The following ABCC12 variants were observed in gnomAD, a reference collection of about 807,000 sequenced individuals.
ABCC12 encodes the protein ATP binding cassette subfamily C member 12, also known as ATP-binding cassette sub-family C member 12.
A neutral mutation model predicts 151.1 loss-of-function variants in ABCC12; 142 were observed. The observed-to-expected ratio is 0.94, with a 90% CI of 0.82 to 1.08. The LOEUF (loss-of-function observed/expected upper bound fraction) is 1.08. Among genes scored for constraint, ABCC12 ranks in the 50% least tolerant of loss-of-function variants. ABCC12 has a pLI of 0.00. For missense variants in ABCC12, 1,638 were observed against 1,691.1 expected (o/e 0.97, Z 0.55); for synonymous variants, 645 against 646.4 (o/e 1.00, Z 0.03).
intron 18 of ABCC12, among the ~76,000 whole-genome samples, chr16:48,110,226 G>T (rs766740590): frequency 6.6e-6 from 1 of 152,042 alleles, no homozygotes; most frequent in African/African-American, 2.4e-5. Context: ...CGATTCGAAG[G>T]CTCACTTCTT....
intron 18 of ABCC12, among the ~76,000 whole-genome samples, chr16:48,109,278 G>A (rs1277865250): frequency 6.6e-6 from 1 of 152,158 alleles, no homozygotes; most frequent in African/African-American, 2.4e-5. Flanking sequence ...TAGGTCAGCT[G>A]CTGCATGGAC....
intron 20 of ABCC12, 86 bp downstream of exon 20, chr16:48,107,236 G>T: frequency 7.8e-7 from 1 of 1,289,896 alleles, no homozygotes; most frequent in Non-Finnish European, 1.1e-6. Context: ...TCATGGCATG[G>T]TGGCAGGGGC....
chr16:48,141,535 G>A (rs1485827958), intron 4 of ABCC12, among the ~76,000 whole-genome samples, 182 bp from the exon 5 acceptor site: 3 of 152,152 alleles, frequency 2.0e-5, no homozygotes, highest in Non-Finnish European at 4.4e-5. Context: ...AAGGGCAGGG[G>A]GCAATGCCTA....
At chr16:48,087,539 G>A (rs919398701) in intron 27 of ABCC12, 8 of 168,334 alleles carry the variant, frequency 4.8e-5, no homozygotes, top group Non-Finnish European at 7.7e-5. Flanking sequence ...CTGTATACAC[G>A]GGGTAACTAT....
intron 2 of ABCC12, among the ~76,000 whole-genome samples, chr16:48,147,706 C>G (rs1965046690): frequency 6.6e-6 from 1 of 152,164 alleles, no homozygotes; most frequent in Non-Finnish European, 1.5e-5. Flanking sequence ...GATGTTCCCT[C>G]CCTCCTCCAA....
rs61746654 is a variant in ABCC12 at position 48,115,458 on chromosome 16, G to A, written c.1946C>T (p.Thr649Met). ...KHVFEECIKK[T>M]LRGKTVVLVT... is the part of the protein sequence containing the mutation. The stretch of plus-strand genomic sequence containing the variant: ...CAGGACGACTGTCTTTCCCCTGAGC[G>A]TCTTCTTAATGCACTCCTCAAAGAC... The change falls in exon 15 of 31, where the codon ACG becomes ATG. Residue 649 changes from threonine to methionine, a missense_variant. Transcript: ENST00000311303. The A allele has an allele frequency of 1.6e-3, 2,521 of 1,614,140 alleles. 21 individuals carry two copies. The African/African-American group carries it at 0.028, about 18-fold the overall frequency.
intron 22 of ABCC12, among the ~76,000 whole-genome samples, chr16:48,103,821 G>A (rs1287007835): frequency 6.6e-6 from 1 of 152,224 alleles, no homozygotes; most frequent in East Asian, 1.9e-4. Context: ...CCATGGTTAG[G>A]GTGGCGGTTA....
intron 28 of ABCC12, 115 bp from the exon 29 acceptor site, chr16:48,085,821 G>T: frequency 1.2e-6 from 1 of 827,004 alleles, no homozygotes; most frequent in Non-Finnish European, 2.0e-6. Context: ...TTTTACTGTG[G>T]CAAAGAAAGT....
intron 20 of ABCC12, 96 bp downstream of exon 20, chr16:48,107,226 T>C: frequency 8.5e-7 from 1 of 1,181,250 alleles, no homozygotes; most frequent in Non-Finnish European, 1.3e-6. Context: ...GCATGTGGGC[T>C]CATGGCATGG....
intron 8 of ABCC12, 68 bp downstream of exon 8, chr16:48,138,160 G>C: frequency 1.3e-6 from 2 of 1,483,298 alleles, no homozygotes; most frequent in Non-Finnish European, 1.8e-6. Context: ...CCTGGGAACC[G>C]TAAGAACCCC....
intron 8 of ABCC12, 73 bp from the exon 9 acceptor site, chr16:48,133,908 C>T: frequency 6.4e-7 from 1 of 1,555,848 alleles, no homozygotes; most frequent in Non-Finnish European, 8.8e-7. Flanking sequence ...ATGTATTAGC[C>T]CTACTTGGTC....
Position 48,139,326 on chromosome 16 carries a change from A to G in ABCC12, c.668T>C (p.Ile223Thr). The G allele has an allele frequency of 1.2e-6, 2 of 1,604,580 alleles. No individual in the cohort carries two copies. The highest frequency in any genetic ancestry group is 2.2e-5 in the South Asian group (2 of 89,228). Residue 223 changes from isoleucine to threonine, a missense_variant, in exon 7 of 31, where the codon ATA (isoleucine) becomes ACA (threonine). By Grantham distance (89) the Ile-to-Thr change is moderately conservative. Transcript: ENST00000311303. The part of the protein sequence containing the change: ...THISVGEVLN[I>T]LSSDSYSLFE... Reference sequence around the variant, plus strand: ...CAAAGAATAGCTATCACTTGACAGTATATTGAGCACCTGGAAAGAAAAGCG... The same window carrying G: ...CAAAGAATAGCTATCACTTGACAGTGTATTGAGCACCTGGAAAGAAAAGCG...
In ABCC12 at chr16:48,088,642, C is replaced by T; in HGVS notation, c.3378G>A (p.Gln1126=). Residue 1126 remains glutamine, a synonymous_variant, in exon 26 of 31, where the codon CAG becomes CAA. Coordinates refer to ENST00000311303, the MANE Select transcript of ABCC12 (RefSeq NM_001393797.1). ...GGGGGGTGTTGTCTCTGTATCTCAT[C>T]TGATAGTCTCTGAAGGTGATCTCCC... is the stretch of plus-strand genomic sequence containing the variant. The part of the protein sequence containing the change: ...SRGEITFRDY[Q]MRYRDNTPLV... 2 of 1,614,240 alleles carry T rather than the reference C, an allele frequency of 1.2e-6. No homozygotes were observed. Among genetic ancestry groups the T allele is most frequent in the Non-Finnish European group, 1.7e-6 (2 of 1,180,046 alleles).
chr16:48,130,890 A>C lies in ABCC12; in HGVS notation c.1134T>G (p.Phe378Leu). The C allele has an allele frequency of 6.2e-7, 1 of 1,607,748 alleles. No individual in the cohort carries two copies. Among genetic ancestry groups the C allele is most frequent in the Non-Finnish European group, 8.5e-7 (1 of 1,174,808 alleles). Reference protein sequence around the residue: ...LRRKLTAPVAFSVIAMFNVMK... With the variant: ...LRRKLTAPVALSVIAMFNVMK... ...TTACATTAAACATGGCAATCACACT[A>C]AATGCCTGAAGAACAAAAGAGAAGT... Residue 378 changes from phenylalanine (F) to leucine (L), a missense_variant, in exon 10 of 31, where the codon TTT (phenylalanine) becomes TTG (leucine). Transcript: ENST00000311303.
intron 23 of ABCC12, among the ~76,000 whole-genome samples, chr16:48,098,060 G>A (rs1489972534): frequency 6.6e-6 from 1 of 150,766 alleles, no homozygotes. Flanking sequence ...CACAGAGCAG[G>A]TGCTTCTCAA....
intron 11 of ABCC12, among the ~76,000 whole-genome samples, 187 bp from the exon 12 acceptor site, chr16:48,124,471 G>A (rs1446330069): frequency 6.6e-6 from 1 of 152,234 alleles, no homozygotes; most frequent in Non-Finnish European, 1.5e-5. Context: ...GAGGATGCAG[G>A]AATGTAAGTC....
chr16:48,104,133 T>C lies in ABCC12; in HGVS notation c.2900+9A>G. Reference sequence around the variant, plus strand: ...ATCGTTTTCTCGTGTAAATAGCACATGGGCCTACCGTAACAGAATGAAGAA... The same window carrying C: ...ATCGTTTTCTCGTGTAAATAGCACACGGGCCTACCGTAACAGAATGAAGAA... On this transcript the variant is annotated intron_variant, in intron 22 of 30. Coordinates refer to ENST00000311303, the MANE Select transcript of ABCC12 (RefSeq NM_001393797.1). 6.2e-7 allele frequency: 1 copy of C among 1,612,804 alleles called. No individual in the cohort carries two copies. Among genetic ancestry groups the C allele is most frequent in the South Asian group, 1.1e-5 (1 of 90,918 alleles).
intron 3 of ABCC12, among the ~76,000 whole-genome samples, chr16:48,144,446 T>TTCCTTTTTTTCCTCCTTCTCC (rs1433661162): frequency 6.6e-6 from 1 of 152,020 alleles, no homozygotes; most frequent in Non-Finnish European, 1.5e-5. Flanking sequence ...CCTCCTTCTC[T>TTCCTTTTTTTCCTCCTTCTCC]TCCTTTTTTT....
chr16:48,140,317 C>T (rs1964760939), intron 6 of ABCC12, among the ~76,000 whole-genome samples: 2 of 152,224 alleles, frequency 1.3e-5, no homozygotes, highest in Non-Finnish European at 2.9e-5. Flanking sequence ...TTTGGCACCC[C>T]CTATGCTACA....
Sources: allele counts gnomAD v4.1 joint callset (sites outside exome capture counted in the v4.1 genomes callset), GRCh38; gene constraint gnomAD v4.1.1; transcripts MANE v1.5; gene names NCBI Gene and HGNC (gene_info 2026-07-23, HGNC 2026-07-21).